Variants in CRKL observed in about 807,000 individuals in gnomAD.
The protein encoded by CRKL is crk-like protein.
CRKL carries 3 observed loss-of-function variants against 23.0 expected under a neutral mutation model. The observed-to-expected ratio is 0.13, with a 90% CI of 0.06 to 0.34. The LOEUF (loss-of-function observed/expected upper bound fraction) is 0.34, where lower values mean the gene tolerates loss of function less well. Among genes scored for constraint, CRKL ranks in the 10% least tolerant of loss-of-function variants. The probability of loss-of-function intolerance (pLI) is 1.00; values close to 1 mark genes in which losing one functional copy is unlikely to be tolerated. For missense variants in CRKL, 256 were observed against 394.5 expected, an observed-to-expected ratio of 0.65 and a Z score of 2.97; for synonymous variants, 188 against 160.7, an observed-to-expected ratio of 1.17 and a Z score of -1.28.
intron 1 of CRKL, among the ~76,000 whole-genome samples, chr22:20,924,085 G>A (rs533875443): frequency 6.6e-6 from 1 of 152,228 alleles, no homozygotes; most frequent in African/African-American, 2.4e-5. Context: ...CTACTTGGGA[G>A]GCTGAAGTGG....
At position 20,942,509 on chromosome 22, in the gene CRKL, A is replaced by G. The variant is rs1341085919; in HGVS notation, c.778-7202A>G. 4.6e-5 allele frequency among the ~76,000 whole-genome samples: 7 copies of G among 152,206 alleles called. No homozygotes were observed. The South Asian group carries it at 1.2e-3, about 27-fold the overall frequency. On this transcript the variant is annotated intron_variant, in intron 2 of 2. Transcript: ENST00000354336. ...TTGAGTTGTTTTCGTTATTTTGGCTATGGTGAATAATGCTGCAGTGGACAT... is the reference window on the plus strand; with the variant it reads ...TTGAGTTGTTTTCGTTATTTTGGCTGTGGTGAATAATGCTGCAGTGGACAT...
chr22:20,927,389 C>T (rs1921259604), intron 1 of CRKL, among the ~76,000 whole-genome samples: 1 of 149,300 alleles, frequency 6.7e-6, no homozygotes, highest in African/African-American at 2.5e-5. Flanking sequence ...TGGGGTTTCA[C>T]CATATTGGAC....
intron 1 of CRKL, among the ~76,000 whole-genome samples, chr22:20,928,606 A>T (rs1921318812): frequency 6.6e-6 from 1 of 152,074 alleles, no homozygotes; most frequent in Non-Finnish European, 1.5e-5. Flanking sequence ...TGAGCTCAGG[A>T]GTTCAAGACC....
In CRKL at chr22:20,935,708, T is replaced by G. The variant is rs369377583; in HGVS notation, c.777+1464T>G. 1.1e-4 allele frequency among the ~76,000 whole-genome samples: 16 copies of G among 151,910 alleles called. 1 individual carries two copies. In the East Asian group the frequency reaches 1.6e-3, roughly 15 times the overall value. The stretch of plus-strand genomic sequence containing the variant: ...GCCCGGCTAATTTTTGTATTTTTAG[T>G]AGAGACGGGGTTTCACCATGTTGGC... On this transcript the variant is annotated intron_variant, in intron 2 of 2. Transcript: ENST00000354336.
intron 1 of CRKL, among the ~76,000 whole-genome samples, chr22:20,926,882 C>G (rs907720052): frequency 2.0e-5 from 3 of 151,858 alleles, no homozygotes; most frequent in African/African-American, 7.3e-5. Context: ...GAGGCGGAGG[C>G]AGGTGGATTG....
At chr22:20,918,371 A>G (rs1929767713) in intron 1 of CRKL, 126 bp downstream of exon 1, 2 of 1,093,448 alleles carry the variant, frequency 1.8e-6, no homozygotes, top group South Asian at 1.6e-5. Flanking sequence ...ATTATTTTCC[A>G]GAAGGCCTTC....
chr22:20,933,667 C>T, intron 1 of CRKL, 112 bp from the exon 2 acceptor site: 1 of 950,258 alleles, frequency 1.1e-6, no homozygotes, highest in Non-Finnish European at 1.5e-6. Context: ...AAACTTGTCT[C>T]ATAAAAAAGG....
rs1929745928 is a variant in CRKL, at chr22:20,917,830, C to G, written c.-105C>G. 5.3e-6 allele frequency: 6 copies of G among 1,130,770 alleles called. No individual in the cohort carries two copies. The Admixed American group carries it at 1.3e-4, about 25-fold the overall frequency. The allele number at this position is 1,130,770 out of a possible 1,614,324, so 70.0% of individuals were successfully genotyped here. ...CCCTCTGAGCGCTCCTCGAGGTGTG[C>G]GAGAGGCCCTTCCTCGGCCCCAAAG... On this transcript the variant is annotated 5_prime_UTR_variant, in exon 1 of 3. Transcript: ENST00000354336.
chr22:20,931,203 C>G lies in CRKL; in HGVS notation c.312-2576C>G, dbSNP rs1921439203. ...AGAGAATTGCTTGAGGCTAGAAGTT[C>G]AAGACAAGCCCTGAAAACATAGTGA... On this transcript the variant is annotated intron_variant, in intron 1 of 2. Coordinates refer to ENST00000354336, the MANE Select transcript of CRKL (RefSeq NM_005207.4). Among the ~76,000 whole-genome samples the G allele has an allele frequency of 1.3e-5, 2 of 152,148 alleles. 1 individual carries two copies. Among genetic ancestry groups the G allele is most frequent in the Non-Finnish European group, 2.9e-5 (2 of 68,006 alleles).
chr22:20,923,044 G>A (rs1921048500), intron 1 of CRKL, among the ~76,000 whole-genome samples: 1 of 152,144 alleles, frequency 6.6e-6, no homozygotes, highest in African/African-American at 2.4e-5. Flanking sequence ...AAGGTAGCTT[G>A]CTTTGTTTGA....
Position 20,951,064 on chromosome 22 carries a change from T to C in CRKL, c.*1219T>C, listed in dbSNP as rs1922256559. On this transcript the variant is annotated 3_prime_UTR_variant, in exon 3 of 3. Transcript: ENST00000354336. Reference sequence around the variant, plus strand: ...TGGGTTGGAGGGCACTTGGCCAGTTTTCTGTTCAGCTTTTCAGTGAATGTA... The same window carrying C: ...TGGGTTGGAGGGCACTTGGCCAGTTCTCTGTTCAGCTTTTCAGTGAATGTA... 4.3e-6 allele frequency: 1 copy of C among 232,714 alleles called. No homozygotes were observed. Among genetic ancestry groups the C allele is most frequent in the African/African-American group, 2.2e-5 (1 of 45,442 alleles). 14.4% of individuals were successfully genotyped at this position (232,714 alleles called of 1,614,324 possible). A position where few individuals can be genotyped will look rare whatever the true frequency, so the allele number is the denominator to read the frequency against.
At chr22:20,921,198 A>C (rs150128449) in intron 1 of CRKL, among the ~76,000 whole-genome samples, 1 of 152,370 alleles carries the variant, frequency 6.6e-6, no homozygotes, top group Non-Finnish European at 1.5e-5. Context: ...CTGAGCTTTT[A>C]AAGCCAGAGT....
chr22:20,929,931 T>C (rs1451656041), intron 1 of CRKL, among the ~76,000 whole-genome samples: 3 of 152,198 alleles, frequency 2.0e-5, no homozygotes, highest in African/African-American at 7.2e-5. Flanking sequence ...CATGTATTTA[T>C]CTCTTCAGTG....
chr22:20,939,774 G>C (rs569059223), intron 2 of CRKL, among the ~76,000 whole-genome samples: 10 of 147,520 alleles, frequency 6.8e-5, no homozygotes, highest in Admixed American at 6.2e-4. Context: ...TATGATCTGC[G>C]TACATCTCTG....
At chr22:20,928,411 C>T (rs1921309485) in intron 1 of CRKL, among the ~76,000 whole-genome samples, 1 of 149,828 alleles carries the variant, frequency 6.7e-6, no homozygotes, top group Non-Finnish European at 1.5e-5. Context: ...GAGCCATGAT[C>T]GTACTGCTGC....
At chr22:20,927,024 A>G (rs374152897) in intron 1 of CRKL, among the ~76,000 whole-genome samples, 1 of 145,118 alleles carries the variant, frequency 6.9e-6, no homozygotes, top group South Asian at 2.3e-4. Context: ...AGGCAGGAGA[A>G]TGGCTTGAAC....
intron 1 of CRKL, among the ~76,000 whole-genome samples, chr22:20,925,915 A>G (rs376699802): frequency 2.0e-5 from 3 of 152,214 alleles, no homozygotes; most frequent in Non-Finnish European, 4.4e-5. Flanking sequence ...CTTGGAATCT[A>G]ATGGAAGTAA....
intron 2 of CRKL, among the ~76,000 whole-genome samples, chr22:20,935,851 CT>C (rs2147907597): frequency 6.7e-6 from 1 of 150,056 alleles, no homozygotes; most frequent in East Asian, 2.1e-4. Flanking sequence ...CTAAATATTA[CT>C]TTTTAAAAAA....
intron 2 of CRKL, among the ~76,000 whole-genome samples, chr22:20,939,233 C>CTTTT (rs140538861): frequency 2.9e-4 from 22 of 75,144 alleles, no homozygotes; most frequent in Admixed American, 3.9e-4. Context: ...ACATAAGTTG[C>CTTTT]TTTTTTTTTT....
Sources: allele counts gnomAD v4.1 joint callset (sites outside exome capture counted in the v4.1 genomes callset), GRCh38; gene constraint gnomAD v4.1.1; transcripts MANE v1.5; gene names NCBI Gene and HGNC (gene_info 2026-07-23, HGNC 2026-07-21).